The following FBN1 variants were observed in gnomAD, a reference collection of about 807,000 sequenced individuals.
FBN1 encodes fibrillin-1.
In FBN1, 29 loss-of-function variants were observed where a neutral mutation model predicts 365.1. The ratio of observed to expected loss-of-function variants is 0.08; its 90% confidence interval spans 0.06 to 0.11. The LOEUF (loss-of-function observed/expected upper bound fraction) is 0.11. FBN1 is among the 10% of genes least tolerant of loss of function. FBN1 has a pLI of 1.00. For synonymous variants in FBN1, 1,210 were observed against 1,270.5 expected (o/e 0.95, Z 1.01); for missense variants, 2,476 against 3,703.2 (o/e 0.67, Z 8.60).
At chr15:48,442,196 C>T (rs938433905) in intron 49 of FBN1, among the ~76,000 whole-genome samples, 5 of 152,114 alleles carry the variant, frequency 3.3e-5, no homozygotes, top group African/African-American at 4.8e-5. Flanking sequence ...AGTCACACTG[C>T]ACCATTGTTC....
chr15:48,458,951 G>A (rs1015234396), intron 43 of FBN1, among the ~76,000 whole-genome samples: 52 of 152,346 alleles, frequency 3.4e-4, no homozygotes, highest in Non-Finnish European at 8.8e-5. Flanking sequence ...AGAGCTAGAA[G>A]CAAACTAAGC....
intron 6 of FBN1, among the ~76,000 whole-genome samples, chr15:48,550,180 A>G (rs1199311991): frequency 6.6e-6 from 1 of 152,202 alleles, no homozygotes; most frequent in Middle Eastern, 3.2e-3. Flanking sequence ...CAAATCATGA[A>G]CCATTCAGAC....
At chr15:48,608,166 C>T (rs562789015) in intron 4 of FBN1, among the ~76,000 whole-genome samples, 1 of 152,334 alleles carries the variant, frequency 6.6e-6, no homozygotes, top group East Asian at 1.9e-4. Flanking sequence ...TCACAGGACA[C>T]TCAAGTCAAA....
At chr15:48,496,791 TTGCTTTTAGCTGAATAATA>T (rs1156924715) in intron 19 of FBN1, among the ~76,000 whole-genome samples, 3 of 152,230 alleles carry the variant, frequency 2.0e-5, no homozygotes, top group African/African-American at 7.2e-5. Flanking sequence ...GGAAAACTGC[TTGCTTTTAGCTGAATAATA>T]TGCCTGTCTG....
chr15:48,616,007 C>T (rs559880888), intron 2 of FBN1, among the ~76,000 whole-genome samples: 1 of 152,296 alleles, frequency 6.6e-6, no homozygotes, highest in Non-Finnish European at 1.5e-5. Context: ...TTAAAATATA[C>T]GCTCTTCTAT....
chr15:48,412,834 G>A lies in FBN1; in HGVS notation c.8052-91C>T. The A allele has an allele frequency of 3.4e-6, 5 of 1,466,012 alleles. No homozygotes were observed. The South Asian group carries it at 5.7e-5, about 17-fold the overall frequency. The allele number at this position is 1,466,012 out of a possible 1,614,324, so 90.8% of individuals were successfully genotyped here. A position where few individuals can be genotyped will look rare whatever the true frequency, so the allele number is the denominator to read the frequency against. On this transcript the variant is annotated intron_variant, in intron 64 of 65. Coordinates refer to ENST00000316623, the MANE Select transcript of FBN1 (RefSeq NM_000138.5). Reference sequence around the variant, plus strand: ...GTTCTGGTGAAGCCTGTTCCTTGCAGTTGTGAGATACAGCCCTTGCTTGTC... The same window carrying A: ...GTTCTGGTGAAGCCTGTTCCTTGCAATTGTGAGATACAGCCCTTGCTTGTC...
rs553536236 is a variant in FBN1, at chr15:48,625,311, C to T, written c.165-12219G>A. ...GGCTGGTCTGGGAACCTGACCACAA[C>T]TTAAAATGTTGTTTCTATGGGAAAA... On this transcript the variant is annotated intron_variant, in intron 2 of 65. Transcript: ENST00000316623. Among the ~76,000 whole-genome samples, 5 of 152,292 alleles carry T rather than the reference C, an allele frequency of 3.3e-5. No homozygotes were observed. In the South Asian group the frequency reaches 1.0e-3, roughly 32 times the overall value.
intron 6 of FBN1, among the ~76,000 whole-genome samples, chr15:48,548,526 T>C (rs2044114550): frequency 6.6e-6 from 1 of 152,140 alleles, no homozygotes; most frequent in Non-Finnish European, 1.5e-5. Context: ...AGAAAAAAGA[T>C]TTAAAGTTGC....
At chr15:48,608,788 A>G (rs2044633401) in intron 4 of FBN1, among the ~76,000 whole-genome samples, 1 of 152,048 alleles carries the variant, frequency 6.6e-6, no homozygotes, top group Admixed American at 6.5e-5. Flanking sequence ...CCTTACTACT[A>G]TACTCGTCAC....
At chr15:48,540,742 G>T (rs867212677) in intron 6 of FBN1, among the ~76,000 whole-genome samples, 11 of 152,230 alleles carry the variant, frequency 7.2e-5, no homozygotes, top group South Asian at 2.1e-4. Context: ...ACAAGAAAGA[G>T]AATTTAGGCT....
In FBN1 at chr15:48,515,523, C is replaced by G. The variant is rs773538409; in HGVS notation, c.1332G>C (p.Val444=). The change falls in exon 12 of 66, where the codon GTG becomes GTC. Residue 444 remains valine, a synonymous_variant. Coordinates refer to ENST00000316623, the MANE Select transcript of FBN1 (RefSeq NM_000138.5). ...YLYPSREPPR[V]LPVNVTDYCQ... ...AGTAATCAGTAACGTTTACTGGCAG[C>G]ACCCCTAGAAGAACATTAAGCCCCA... The G allele has an allele frequency of 6.2e-7, 1 of 1,613,916 alleles. No homozygotes were observed. Among genetic ancestry groups the G allele is most frequent in the Non-Finnish European group, 8.5e-7 (1 of 1,179,854 alleles).
chr15:48,543,922 T>C (rs4775767), intron 6 of FBN1, among the ~76,000 whole-genome samples: 25,903 of 151,834 alleles, frequency 0.17, 2,353 homozygotes, highest in East Asian at 0.36. Context: ...AATTCAGCAA[T>C]GTAAATAAAT....
intron 40 of FBN1, among the ~76,000 whole-genome samples, chr15:48,464,576 G>T (rs2043305397): frequency 6.6e-6 from 1 of 151,974 alleles, no homozygotes; most frequent in Non-Finnish European, 1.5e-5. Flanking sequence ...TCTGACATGA[G>T]GCATTATCAA....
rs754660497 is a variant in FBN1, at chr15:48,463,122, C to T, written c.5184G>A (p.Ala1728=). The T allele has an allele frequency of 4.6e-5, 75 of 1,614,002 alleles. No individual in the cohort carries two copies. Among genetic ancestry groups the T allele is most frequent in the Admixed American group, 5.0e-5 (3 of 60,008 alleles). The change falls in exon 42 of 66, where the codon GCG becomes GCA. Residue 1728 remains alanine (A), a synonymous_variant. Coordinates refer to ENST00000316623, the MANE Select transcript of FBN1 (RefSeq NM_000138.5). ...MCCCSYNIGR[A]WNKPCEQCPI... is the part of the protein sequence containing the mutation. ...GACACTGTTCACAGGGCTTGTTCCACGCCCGGCCAATGTTGTAGGAACAGC... is the reference window on the plus strand; with the variant it reads ...GACACTGTTCACAGGGCTTGTTCCATGCCCGGCCAATGTTGTAGGAACAGC...
intron 13 of FBN1, 39 bp from the exon 14 acceptor site, chr15:48,510,208 A>G (rs1313812565): frequency 6.2e-7 from 1 of 1,605,822 alleles, no homozygotes; most frequent in East Asian, 2.2e-5. Flanking sequence ...AGCTTTATTT[A>G]GGGGAGTTAA....
chr15:48,429,881 C>A (rs148643354), intron 56 of FBN1, among the ~76,000 whole-genome samples: 1 of 152,050 alleles, frequency 6.6e-6, no homozygotes, highest in Admixed American at 6.6e-5. Flanking sequence ...AAAGAGAATG[C>A]GTGTGAGAAG....
chr15:48,411,029 A>G lies in FBN1; in HGVS notation c.8577T>C (p.Gly2859=). The G allele has an allele frequency of 1.2e-6, 2 of 1,613,898 alleles. No homozygotes were observed. The highest frequency in any genetic ancestry group is 2.2e-5 in the South Asian group (2 of 91,014). ...CCTGGATTTTCATCTTCAGATTATCACCCAGTTCACCACTGAGGTAGTCTT... is the reference window on the plus strand; with the variant it reads ...CCTGGATTTTCATCTTCAGATTATCGCCCAGTTCACCACTGAGGTAGTCTT... ...YDKDYLSGEL[G]DNLKMKIQVL... Residue 2859 remains glycine, a synonymous_variant, in exon 66 of 66, where the codon GGT becomes GGC. Transcript: ENST00000316623.
chr15:48,610,163 A>G (rs995432174), intron 4 of FBN1, among the ~76,000 whole-genome samples: 1 of 152,204 alleles, frequency 6.6e-6, no homozygotes, highest in Non-Finnish European at 1.5e-5. Context: ...AACAAGCAAG[A>G]AAAGGTTCTG....
At chr15:48,553,800 C>T (rs2044160327) in intron 6 of FBN1, among the ~76,000 whole-genome samples, 1 of 152,058 alleles carries the variant, frequency 6.6e-6, no homozygotes, top group Non-Finnish European at 1.5e-5. Context: ...TAATTATGAG[C>T]TGGTTGTGCT....
Sources: allele counts gnomAD v4.1 joint callset (sites outside exome capture counted in the v4.1 genomes callset), GRCh38; gene constraint gnomAD v4.1.1; transcripts MANE v1.5; gene names NCBI Gene and HGNC (gene_info 2026-07-23, HGNC 2026-07-21).